The following MESD variants were observed in gnomAD, a reference collection of about 807,000 sequenced individuals.
MESD encodes mesoderm development LRP chaperone.
Under a neutral mutation model 12.9 loss-of-function variants are expected in MESD, and 7 were observed. That is an observed-to-expected ratio of 0.54 (90% CI 0.31 to 1.02). MESD has a LOEUF of 1.02. Among genes scored for constraint, MESD ranks in the 50% least tolerant of loss-of-function variants. The pLI is 0.05. For synonymous variants in MESD, 126 were observed against 115.6 expected (o/e 1.09, Z -0.58); for missense variants, 342 against 296.7 (o/e 1.15, Z -1.12).
At chr15:80,989,381 G>A (rs1368729454) in intron 1 of MESD, among the ~76,000 whole-genome samples, 198 bp downstream of exon 1, 6 of 152,172 alleles carry the variant, frequency 3.9e-5, no homozygotes. Flanking sequence ...ACAGAGGGCT[G>A]GAGCGAGGGT....
intron 3 of MESD, among the ~76,000 whole-genome samples, chr15:80,959,808 T>G (rs1003638972): frequency 6.6e-6 from 1 of 151,504 alleles, no homozygotes; most frequent in Non-Finnish European, 1.5e-5. Context: ...CTCCTGGAAG[T>G]GCTCAAAAAG....
exon 5 of MESD, chr15:80,948,084 C>A (rs1901639863): frequency 6.5e-6 from 1 of 153,204 alleles, no homozygotes; most frequent in South Asian, 2.1e-4. Context: ...ATTTTGGAGC[C>A]TCTGTCTTTT....
intron 2 of MESD, among the ~76,000 whole-genome samples, chr15:80,979,970 C>T (rs1902531100): frequency 6.6e-6 from 1 of 152,222 alleles, no homozygotes; most frequent in Admixed American, 6.5e-5. Flanking sequence ...GGTTGTTGGA[C>T]AAAAATCCTA....
rs78938747 is a variant in MESD, at chr15:80,966,201, A to AT, written c.*288+12729dup. ...CAAGAACTTTAAAAGAATCATCATC[A>AT]TTTTTTTTTTTGGACCTACTAATTA... On this transcript the variant is annotated intron_variant, in intron 3 of 4. Coordinates refer to the MESD transcript ENST00000561312. 5.4e-3 allele frequency among the ~76,000 whole-genome samples: 804 copies of AT among 147,558 alleles called. 6 individuals are homozygous for AT. The highest frequency in any genetic ancestry group is 0.013 in the South Asian group (62 of 4,688).
At chr15:80,966,971 G>A (rs1254681745) in intron 3 of MESD, among the ~76,000 whole-genome samples, 5 of 152,164 alleles carry the variant, frequency 3.3e-5, no homozygotes, top group South Asian at 2.1e-4. Flanking sequence ...GAGGTGATGC[G>A]CTCAAGGCAT....
chr15:80,972,733 T>G (rs2141801368), downstream of MESD, among the ~76,000 whole-genome samples: 1 of 152,264 alleles, frequency 6.6e-6, no homozygotes, highest in Middle Eastern at 3.4e-3. Flanking sequence ...TATAAAAACT[T>G]CATTACAGGT....
chr15:80,958,650 A>G (rs1466410195), intron 3 of MESD, among the ~76,000 whole-genome samples: 2 of 151,402 alleles, frequency 1.3e-5, no homozygotes, highest in Non-Finnish European at 2.9e-5. Flanking sequence ...TTTTTTTTTC[A>G]TATCCAAACA....
intron 1 of MESD, among the ~76,000 whole-genome samples, chr15:80,984,482 G>T (rs1487454783): frequency 6.6e-6 from 1 of 152,176 alleles, no homozygotes; most frequent in East Asian, 1.9e-4. Context: ...CTAAGTGAAA[G>T]AAGCCAGATA....
At chr15:80,981,814 C>T (rs950270680) in intron 2 of MESD, 136 bp downstream of exon 2, 7 of 665,610 alleles carry the variant, frequency 1.1e-5, no homozygotes, top group Admixed American at 2.9e-5. Flanking sequence ...GAGATCACGC[C>T]GCTGCACTCC....
downstream of MESD, among the ~76,000 whole-genome samples, chr15:80,973,353 AAAC>A (rs760034135): frequency 1.7e-4 from 26 of 151,916 alleles, no homozygotes; most frequent in Middle Eastern, 0.01. Context: ...TCTCTCGAGA[AAAC>A]AACAACAACA....
At chr15:80,983,329 A>C (rs935181859) in intron 1 of MESD, among the ~76,000 whole-genome samples, 4 of 152,138 alleles carry the variant, frequency 2.6e-5, no homozygotes, top group African/African-American at 9.7e-5. Flanking sequence ...ATTTCACTTA[A>C]TAGGCATTGT....
At chr15:80,958,789 G>A (rs576702577) in intron 3 of MESD, among the ~76,000 whole-genome samples, 1 of 152,302 alleles carries the variant, frequency 6.6e-6, no homozygotes, top group East Asian at 1.9e-4. Flanking sequence ...GAGCAGGATT[G>A]TCTTTTCAAG....
chr15:80,960,244 A>G (rs2141789361), intron 3 of MESD, among the ~76,000 whole-genome samples: 1 of 152,182 alleles, frequency 6.6e-6, no homozygotes, highest in East Asian at 1.9e-4. Context: ...ACCCACCTGT[A>G]GTGCCAGCTA....
At chr15:80,968,478 G>A (rs1216797337) in intron 3 of MESD, among the ~76,000 whole-genome samples, 5 of 152,148 alleles carry the variant, frequency 3.3e-5, no homozygotes, top group Non-Finnish European at 5.9e-5. Flanking sequence ...GTCACCTGAA[G>A]CACAAAACAC....
chr15:80,983,001 G>A (rs1168042074), intron 1 of MESD, among the ~76,000 whole-genome samples: 1 of 152,186 alleles, frequency 6.6e-6, no homozygotes, highest in African/African-American at 2.4e-5. Context: ...CAGCTACTCA[G>A]TAGGCTGAGG....
intron 3 of MESD, among the ~76,000 whole-genome samples, chr15:80,962,313 C>A (rs760840693): frequency 6.6e-6 from 1 of 152,158 alleles, no homozygotes; most frequent in East Asian, 1.9e-4. Context: ...TATATGCACC[C>A]AACACAGGAG....
At chr15:80,952,618 G>A (rs1186113850) in intron 3 of MESD, among the ~76,000 whole-genome samples, 2 of 126,806 alleles carry the variant, frequency 1.6e-5, no homozygotes, top group Admixed American at 7.3e-5. Context: ...ACTATGTCTC[G>A]TGTGTGTGTG....
At chr15:80,951,382 A>T (rs1901818477) in intron 4 of MESD, 1 of 152,510 alleles carries the variant, frequency 6.6e-6, no homozygotes, top group Admixed American at 6.5e-5. Context: ...GGTAGCACAA[A>T]TTTTCTTATT....
chr15:80,946,832 T>C, downstream of MESD: 6 of 711,786 alleles, frequency 8.4e-6, no homozygotes, highest in Non-Finnish European at 1.6e-5. Flanking sequence ...AGGCTGCCCT[T>C]TCCCGAATCC....
Sources: gnomAD v4.1 joint callset for allele counts (sites outside exome capture counted in the v4.1 genomes callset) on GRCh38, gnomAD v4.1.1 for gene constraint, MANE v1.5 for transcripts, NCBI Gene and HGNC (gene_info 2026-07-23, HGNC 2026-07-21) for gene names.